MARCHF1: variants seen among roughly 807,000 people sequenced by gnomAD.
MARCHF1 encodes E3 ubiquitin-protein ligase MARCHF1.
MARCHF1 carries 40 observed loss-of-function variants against 54.2 expected under a neutral mutation model. The observed-to-expected ratio is 0.74, with a 90% CI of 0.57 to 0.96. The LOEUF (loss-of-function observed/expected upper bound fraction) is 0.96. MARCHF1 is among the 40% of genes least tolerant of loss of function. The pLI, the probability that MARCHF1 is intolerant of heterozygous loss-of-function variation, is 0.00. For synonymous variants in MARCHF1, 236 were observed against 236.3 expected (o/e 1.00, Z 0.01); for missense variants, 586 against 656.5 (o/e 0.89, Z 1.17).
intron 3 of MARCHF1, among the ~76,000 whole-genome samples, chr4:163,895,984 T>A (rs531503787): frequency 1.3e-5 from 2 of 152,248 alleles, no homozygotes; most frequent in African/African-American, 4.8e-5. Flanking sequence ...ATTACTTCAT[T>A]GTGAGAAGCA....
intron 1 of MARCHF1, among the ~76,000 whole-genome samples, chr4:164,325,970 A>G (rs1459198075): frequency 6.6e-6 from 1 of 152,216 alleles, no homozygotes; most frequent in Non-Finnish European, 1.5e-5. Context: ...CTCAAGCTGC[A>G]GTTCACTATT....
intron 2 of MARCHF1, among the ~76,000 whole-genome samples, chr4:164,007,068 G>A (rs1753307286): frequency 7.3e-6 from 1 of 137,468 alleles, no homozygotes. Flanking sequence ...GCAGGGCGTG[G>A]TGGCTCACAC....
At chr4:163,855,079 G>T (rs1749736586) in intron 3 of MARCHF1, among the ~76,000 whole-genome samples, 1 of 152,098 alleles carries the variant, frequency 6.6e-6, no homozygotes, top group Admixed American at 6.5e-5. Flanking sequence ...ACATTTCAGA[G>T]ATTCAAAACT....
At chr4:163,648,799 G>A (rs193008046) in intron 5 of MARCHF1, among the ~76,000 whole-genome samples, 34 of 151,792 alleles carry the variant, frequency 2.2e-4, no homozygotes, top group African/African-American at 7.2e-4. Flanking sequence ...AAAAAAGAAC[G>A]TGGAATTTGG....
chr4:163,885,948 T>C, intron 3 of MARCHF1, among the ~76,000 whole-genome samples: 1 of 147,524 alleles, frequency 6.8e-6, no homozygotes, highest in Admixed American at 6.8e-5. Flanking sequence ...TATATAAATA[T>C]ATATATTTAT....
At position 163,650,250 on chromosome 4, in the gene MARCHF1, C is replaced by T. The variant is rs559889388; in HGVS notation, c.163-36857G>A. Among the ~76,000 whole-genome samples, 67 of 151,836 alleles carry T rather than the reference C, an allele frequency of 4.4e-4. No homozygotes were observed. In the South Asian group the frequency reaches 0.013, roughly 29 times the overall value. On this transcript the variant is annotated intron_variant, in intron 5 of 9. Transcript: ENST00000514618. The stretch of plus-strand genomic sequence containing the variant: ...TGAAAGTAGTTATTAAACTAATAAA[C>T]CTAATGCAACTAATAAAAAGGATAA...
At chr4:164,261,206 C>A (rs1277431733) in intron 1 of MARCHF1, among the ~76,000 whole-genome samples, 1 of 152,104 alleles carries the variant, frequency 6.6e-6, no homozygotes, top group Non-Finnish European at 1.5e-5. Context: ...GGACTTCTCA[C>A]CTCTAGAATT....
At chr4:164,373,435 A>G (rs1011850328) in intron 1 of MARCHF1, among the ~76,000 whole-genome samples, 1 of 129,810 alleles carries the variant, frequency 7.7e-6, no homozygotes, top group East Asian at 2.3e-4. Context: ...GCTCACTGCT[A>G]TCTCCACCTC....
intron 1 of MARCHF1, among the ~76,000 whole-genome samples, chr4:164,176,898 T>G (rs1245568247): frequency 6.7e-6 from 1 of 148,534 alleles, no homozygotes; most frequent in African/African-American, 2.5e-5. Context: ...TTTCTTGATT[T>G]TTTTCTTAAA....
chr4:163,796,567 C>G (rs1280294861), intron 4 of MARCHF1, among the ~76,000 whole-genome samples: 1 of 152,010 alleles, frequency 6.6e-6, no homozygotes, highest in Non-Finnish European at 1.5e-5. Context: ...GCTTTACCTA[C>G]TTAAAAAAGC....
intron 7 of MARCHF1, among the ~76,000 whole-genome samples, chr4:163,593,765 C>G: frequency 6.6e-6 from 1 of 152,112 alleles, no homozygotes; most frequent in Non-Finnish European, 1.5e-5. Flanking sequence ...TAGAAATACG[C>G]CTTTGCATAT....
chr4:163,769,731 G>A (rs572935163), intron 4 of MARCHF1, among the ~76,000 whole-genome samples: 6 of 152,140 alleles, frequency 3.9e-5, no homozygotes, highest in Admixed American at 2.6e-4. Flanking sequence ...AGCAGTAGCC[G>A]GGCACACTTA....
intron 1 of MARCHF1, among the ~76,000 whole-genome samples, chr4:164,304,488 C>T (rs1287979112): frequency 6.6e-6 from 1 of 152,170 alleles, no homozygotes; most frequent in Non-Finnish European, 1.5e-5. Context: ...CAGAATATAG[C>T]ACTACAGCAG....
intron 3 of MARCHF1, among the ~76,000 whole-genome samples, chr4:163,905,255 C>T (rs1751039698): frequency 6.6e-6 from 1 of 151,900 alleles, no homozygotes. Context: ...AAATGTCAAG[C>T]CTACTATAAT....
intron 8 of MARCHF1, among the ~76,000 whole-genome samples, chr4:163,558,690 C>A (rs1739374079): frequency 6.6e-6 from 1 of 152,132 alleles, no homozygotes; most frequent in African/African-American, 2.4e-5. Context: ...GAAATGTGGG[C>A]TATGTTTAAG....
At chr4:164,159,908 C>A (rs955514491) in intron 1 of MARCHF1, among the ~76,000 whole-genome samples, 7 of 152,086 alleles carry the variant, frequency 4.6e-5, no homozygotes, top group African/African-American at 1.7e-4. Flanking sequence ...AATTTAATCA[C>A]CATGGCAAAT....
At chr4:163,965,831 C>T (rs1346489279) in intron 3 of MARCHF1, among the ~76,000 whole-genome samples, 1 of 152,058 alleles carries the variant, frequency 6.6e-6, no homozygotes. Flanking sequence ...GAATGTGTAA[C>T]ACAGATCGTG....
intron 4 of MARCHF1, among the ~76,000 whole-genome samples, chr4:163,833,528 A>C (rs1749090586): frequency 6.6e-6 from 1 of 152,184 alleles, no homozygotes; most frequent in Non-Finnish European, 1.5e-5. Context: ...CAAGAAAAAA[A>C]CAAACAACCC....
At chr4:163,898,478 A>G (rs138937958) in intron 3 of MARCHF1, among the ~76,000 whole-genome samples, 55 of 152,268 alleles carry the variant, frequency 3.6e-4, no homozygotes, top group African/African-American at 1.3e-3. Flanking sequence ...TAAAACCACA[A>G]CGAGATGTTA....
Sources: gnomAD v4.1 joint callset for allele counts (sites outside exome capture counted in the v4.1 genomes callset) on GRCh38, gnomAD v4.1.1 for gene constraint, MANE v1.5 for transcripts, NCBI Gene and HGNC (gene_info 2026-07-23, HGNC 2026-07-21) for gene names.